The following SUGCT variants were observed in gnomAD, a reference collection of about 807,000 sequenced individuals.
SUGCT encodes the protein succinyl-CoA:glutarate CoA-transferase.
In SUGCT, 41 loss-of-function variants were observed where a neutral mutation model predicts 55.0. The ratio of observed to expected loss-of-function variants is 0.74; its 90% CI spans 0.58 to 0.97. SUGCT has a LOEUF of 0.97. SUGCT is among the 50% of genes least tolerant of loss of function. The probability of loss-of-function intolerance (pLI) is 0.00; values close to 1 mark genes in which losing one functional copy is unlikely to be tolerated. For missense variants in SUGCT, 568 were observed against 547.8 expected (o/e 1.04, Z -0.37); for synonymous variants, 187 against 200.4 (o/e 0.93, Z 0.56).
At chr7:40,887,918 A>G in the SUGCT span, among the ~76,000 whole-genome samples, 1 of 152,154 alleles carries the variant, frequency 6.6e-6, no homozygotes, top group Non-Finnish European at 1.5e-5. Context: ...GCTTTCAAAC[A>G]AGGGAGGGCT....
At chr7:40,729,230 G>A (rs1417089812) in intron 12 of SUGCT, among the ~76,000 whole-genome samples, 1 of 152,154 alleles carries the variant, frequency 6.6e-6, no homozygotes, top group Non-Finnish European at 1.5e-5. Context: ...ATTTTTGTTT[G>A]TTTGTTTTAG....
chr7:41,001,363 A>G, the SUGCT span, among the ~76,000 whole-genome samples: 228 of 152,278 alleles, frequency 1.5e-3, no homozygotes, highest in Middle Eastern at 3.4e-3. Context: ...ATTTGGTGGC[A>G]TAAGCGTTCT....
rs764308301 is a variant in SUGCT at position 40,274,597 on chromosome 7, A to G, written c.661A>G (p.Ile221Val). Residue 221 changes from isoleucine to valine, a missense_variant, in exon 8 of 14, where the codon ATA becomes GTA. Ile to Val is a conservative substitution (Grantham distance 29). Transcript: ENST00000335693. ...ATATGGAGCTATTATGGCTGGATTG[A>G]TACAAAAATACAAAACTGGGAAAGG... ...YAYGAIMAGL[I>V]QKYKTGKGLF... 9.3e-6 allele frequency: 15 copies of G among 1,613,658 alleles called. No individual in the cohort carries two copies. Among genetic ancestry groups the G allele is most frequent in the African/African-American group, 1.3e-5 (1 of 74,922 alleles).
intron 8 of SUGCT, among the ~76,000 whole-genome samples, chr7:40,312,261 G>A (rs2151099920): frequency 1.3e-5 from 2 of 152,080 alleles, no homozygotes; most frequent in Middle Eastern, 6.8e-3. Context: ...GGCTGGTCTC[G>A]AACTCCCGAC....
chr7:40,640,245 GAT>G (rs1216934975), intron 12 of SUGCT, among the ~76,000 whole-genome samples: 3 of 152,140 alleles, frequency 2.0e-5, no homozygotes, highest in African/African-American at 7.2e-5. Context: ...CCATAAGCAT[GAT>G]ATATGTTTAT....
chr7:40,712,049 T>C (rs1461014611), intron 12 of SUGCT, among the ~76,000 whole-genome samples: 1 of 152,254 alleles, frequency 6.6e-6, no homozygotes, highest in Non-Finnish European at 1.5e-5. Flanking sequence ...CTAGCTGACT[T>C]AGAAGGCGGC....
intron 12 of SUGCT, among the ~76,000 whole-genome samples, chr7:40,647,509 C>CCCTA (rs765134885): frequency 3.9e-5 from 6 of 152,216 alleles, no homozygotes; most frequent in Non-Finnish European, 5.9e-5. Context: ...CTGAGACAAG[C>CCCTA]CCTATCATAT....
intron 7 of SUGCT, among the ~76,000 whole-genome samples, chr7:40,266,231 C>T (rs1284140256): frequency 2.7e-5 from 3 of 112,820 alleles, no homozygotes; most frequent in Non-Finnish European, 4.9e-5. Context: ...GTTGCCAAGG[C>T]TGGAGTGCAA....
chr7:40,967,823 C>T, the SUGCT span, among the ~76,000 whole-genome samples: 11 of 152,156 alleles, frequency 7.2e-5, no homozygotes, highest in South Asian at 6.2e-4. Context: ...GGGGTTTCAC[C>T]GCGTTAGCCA....
the SUGCT span, among the ~76,000 whole-genome samples, chr7:40,913,125 C>T: frequency 6.6e-6 from 1 of 151,634 alleles, no homozygotes; most frequent in South Asian, 2.1e-4. Context: ...ATTCTCCTGC[C>T]TCAGCCTCCC....
At chr7:40,401,404 C>T (rs1291186330) in intron 9 of SUGCT, among the ~76,000 whole-genome samples, 4 of 152,146 alleles carry the variant, frequency 2.6e-5, no homozygotes, top group Non-Finnish European at 5.9e-5. Context: ...CTCTACAACT[C>T]TGTTAAGTAG....
intron 12 of SUGCT, among the ~76,000 whole-genome samples, chr7:40,687,753 A>G (rs1044652459): frequency 6.6e-6 from 1 of 152,144 alleles, no homozygotes; most frequent in African/African-American, 2.4e-5. Flanking sequence ...ACTAGCCTCT[A>G]TTTTTAATTT....
Position 40,333,636 on chromosome 7 carries a change from C to CA in SUGCT, c.816+16814dup, listed in dbSNP as rs1212001738. ...TGGGTGACAGGGCGAGACTCTGTCT[C>CA]AAAAAAAAAAAAAAAAAAAAAAAAA... On this transcript the variant is annotated intron_variant, in intron 9 of 13. Transcript: ENST00000335693. 3.4e-4 allele frequency among the ~76,000 whole-genome samples: 17 copies of CA among 49,948 alleles called. 1 individual carries two copies. Among genetic ancestry groups the CA allele is most frequent in the African/African-American group, 5.2e-4 (6 of 11,562 alleles). The allele number at this position is 49,948 out of a possible 152,430, so 32.8% of individuals were successfully genotyped here.
intron 13 of SUGCT, among the ~76,000 whole-genome samples, chr7:40,771,680 T>C (rs1428910161): frequency 6.6e-6 from 1 of 152,206 alleles, no homozygotes; most frequent in East Asian, 1.9e-4. Context: ...TGTTAACAGA[T>C]ATTTATCATC....
At chr7:40,164,078 C>G (rs941307934) in intron 1 of SUGCT, among the ~76,000 whole-genome samples, 2 of 151,914 alleles carry the variant, frequency 1.3e-5, no homozygotes, top group African/African-American at 2.4e-5. Context: ...CCTCGGCCCC[C>G]CAAAGTCCTG....
chr7:40,845,545 A>T (rs1793510007), intron 13 of SUGCT, among the ~76,000 whole-genome samples: 1 of 152,192 alleles, frequency 6.6e-6, no homozygotes, highest in Admixed American at 6.5e-5. Flanking sequence ...TTTCAGAGAT[A>T]GGACTGTGGG....
intron 13 of SUGCT, among the ~76,000 whole-genome samples, chr7:40,844,169 G>A (rs1266707847): frequency 6.6e-6 from 1 of 152,134 alleles, no homozygotes; most frequent in Non-Finnish European, 1.5e-5. Flanking sequence ...GCAACTCCCG[G>A]AGCCCCAGAA....
intron 6 of SUGCT, among the ~76,000 whole-genome samples, chr7:40,205,737 A>G (rs1028769502): frequency 1.3e-5 from 2 of 151,948 alleles, no homozygotes; most frequent in African/African-American, 4.8e-5. Context: ...CCCTCTCATG[A>G]CACAGCTTTG....
intron 13 of SUGCT, among the ~76,000 whole-genome samples, chr7:40,781,975 C>G (rs1789773628): frequency 6.6e-6 from 1 of 151,972 alleles, no homozygotes; most frequent in Non-Finnish European, 1.5e-5. Context: ...GGAAATATAT[C>G]AAAATGTTAA....
Sources: gnomAD v4.1 joint callset for allele counts (sites outside exome capture counted in the v4.1 genomes callset) on GRCh38, gnomAD v4.1.1 for gene constraint, MANE v1.5 for transcripts, NCBI Gene and HGNC (gene_info 2026-07-23, HGNC 2026-07-21) for gene names.